The following ADAMTSL3 variants were observed in gnomAD, a reference collection of about 807,000 sequenced individuals.
ADAMTSL3 encodes ADAMTS-like protein 3.
In ADAMTSL3, 128 loss-of-function variants were observed where a neutral mutation model predicts 201.7. The ratio of observed to expected loss-of-function variants is 0.63; its 90% CI spans 0.55 to 0.73. The LOEUF is 0.73. Ranked by LOEUF, ADAMTSL3 falls within the 30% of genes least tolerant of loss-of-function variation. The probability of loss-of-function intolerance (pLI) is 0.00; values close to 1 mark genes in which losing one functional copy is unlikely to be tolerated. For synonymous variants in ADAMTSL3, 738 were observed against 748.4 expected, an observed-to-expected ratio of 0.99 and a Z score of 0.23; for missense variants, 1,990 against 2,119.6, an observed-to-expected ratio of 0.94 and a Z score of 1.20.
chr15:83,702,585 A>G (rs960204171), intron 2 of ADAMTSL3, among the ~76,000 whole-genome samples: 4 of 152,144 alleles, frequency 2.6e-5, no homozygotes, highest in African/African-American at 9.7e-5. Context: ...GCCAATGTAG[A>G]GCTCGGGCTG....
At chr15:83,713,402 A>G (rs1001617201) in intron 3 of ADAMTSL3, among the ~76,000 whole-genome samples, 2 of 152,162 alleles carry the variant, frequency 1.3e-5, no homozygotes, top group African/African-American at 4.8e-5. Context: ...AGGCATAGTG[A>G]AGGGAGTAGA....
At chr15:83,986,028 C>T (rs2067468735) in intron 21 of ADAMTSL3, among the ~76,000 whole-genome samples, 1 of 152,138 alleles carries the variant, frequency 6.6e-6, no homozygotes, top group South Asian at 2.1e-4. Flanking sequence ...TTCAATATCA[C>T]TGTCTTGGTT....
intron 23 of ADAMTSL3, among the ~76,000 whole-genome samples, chr15:84,002,667 C>A (rs561069681): frequency 1.0e-3 from 157 of 152,216 alleles, no homozygotes; most frequent in Non-Finnish European, 2.0e-3. Context: ...CCAGCCTTCC[C>A]CTTCTACCCT....
At chr15:83,680,043 G>A (rs1282283716) in intron 2 of ADAMTSL3, among the ~76,000 whole-genome samples, 3 of 152,202 alleles carry the variant, frequency 2.0e-5, no homozygotes, top group Non-Finnish European at 4.4e-5. Context: ...TGCAGGGCAG[G>A]AGTTGGGGAA....
chr15:84,016,616 A>T, intron 25 of ADAMTSL3, 117 bp downstream of exon 25: 1 of 846,584 alleles, frequency 1.2e-6, no homozygotes, highest in East Asian at 2.7e-5. Flanking sequence ...ATTTCTAGGC[A>T]TTTGGCCAGC....
Position 83,824,307 on chromosome 15 carries a change from T to C in ADAMTSL3, c.600+4260T>C, listed in dbSNP as rs114861638. On this transcript the variant is annotated intron_variant, in intron 6 of 29. Transcript: ENST00000286744. ...CTGGCATTACAGGCTTGAACCACCA[T>C]ACCTGGCCTGACTCCATTTTTTAGA... Among the ~76,000 whole-genome samples the C allele has an allele frequency of 7.1e-3, 1,085 of 152,202 alleles. 16 individuals are homozygous for C. The highest frequency in any genetic ancestry group is 0.025 in the African/African-American group (1,040 of 41,542).
chr15:83,820,200 T>A (rs1434267211), intron 6 of ADAMTSL3, among the ~76,000 whole-genome samples, 153 bp downstream of exon 6: 1 of 152,178 alleles, frequency 6.6e-6, no homozygotes, highest in Non-Finnish European at 1.5e-5. Context: ...CCCAGTTTTG[T>A]ATTTTTATAC....
At chr15:83,682,671 A>G (rs2061491126) in intron 2 of ADAMTSL3, among the ~76,000 whole-genome samples, 1 of 152,204 alleles carries the variant, frequency 6.6e-6, no homozygotes, top group Non-Finnish European at 1.5e-5. Context: ...TTATTGTACA[A>G]GGAAGCATGA....
At chr15:83,859,382 G>A (rs555304332) in intron 8 of ADAMTSL3, among the ~76,000 whole-genome samples, 21 of 152,188 alleles carry the variant, frequency 1.4e-4, no homozygotes, top group Non-Finnish European at 2.8e-4. Context: ...AGAAATGTAG[G>A]ACAAAGAAAG....
chr15:84,008,397 G>A (rs1410192235), intron 23 of ADAMTSL3, among the ~76,000 whole-genome samples: 4 of 152,112 alleles, frequency 2.6e-5, no homozygotes, highest in East Asian at 1.9e-4. Context: ...ACCAGGCCCC[G>A]TGGTGAGTTC....
chr15:83,937,719 T>G, intron 17 of ADAMTSL3, among the ~76,000 whole-genome samples: 1 of 151,102 alleles, frequency 6.6e-6, no homozygotes, highest in Non-Finnish European at 1.5e-5. Flanking sequence ...TGAACAGAAA[T>G]ACTAATTTAT....
chr15:83,908,447 T>G (rs1346705323), intron 15 of ADAMTSL3, among the ~76,000 whole-genome samples: 1 of 152,240 alleles, frequency 6.6e-6, no homozygotes, highest in Non-Finnish European at 1.5e-5. Context: ...TCAGACATCA[T>G]TACATTTAAT....
chr15:83,668,551 T>C (rs572077341), intron 2 of ADAMTSL3, among the ~76,000 whole-genome samples: 1 of 152,276 alleles, frequency 6.6e-6, no homozygotes, highest in South Asian at 2.1e-4. Flanking sequence ...GGTCATCAAA[T>C]ATGTAATGTT....
chr15:83,830,794 G>T (rs1381229580), intron 6 of ADAMTSL3, among the ~76,000 whole-genome samples: 1 of 152,170 alleles, frequency 6.6e-6, no homozygotes. Flanking sequence ...CCAGCTTCTG[G>T]TGCTGGAATT....
intron 17 of ADAMTSL3, among the ~76,000 whole-genome samples, chr15:83,931,180 G>C (rs1475880763): frequency 1.3e-5 from 2 of 152,204 alleles, no homozygotes; most frequent in African/African-American, 2.4e-5. Context: ...TCTGAGGAGA[G>C]CCTTCTTCTC....
intron 24 of ADAMTSL3, 93 bp from the exon 25 acceptor site, chr15:84,016,290 C>T (rs1020587790): frequency 6.5e-6 from 6 of 918,456 alleles, no homozygotes; most frequent in Non-Finnish European, 1.0e-5. Flanking sequence ...ATAGAGGACT[C>T]ATTTTCTAAT....
At chr15:83,828,083 T>A (rs1467029962) in intron 6 of ADAMTSL3, among the ~76,000 whole-genome samples, 1 of 152,194 alleles carries the variant, frequency 6.6e-6, no homozygotes, top group East Asian at 1.9e-4. Flanking sequence ...GGTGGCTTGA[T>A]GGGGATGGCA....
At chr15:83,907,757 A>G (rs1362434067) in intron 15 of ADAMTSL3, among the ~76,000 whole-genome samples, 1 of 151,936 alleles carries the variant, frequency 6.6e-6, no homozygotes, top group Admixed American at 6.6e-5. Context: ...TATAGGCTAT[A>G]TTTTCTTTAT....
chr15:83,942,829 A>T, intron 18 of ADAMTSL3, 41 bp downstream of exon 18: 2 of 1,607,576 alleles, frequency 1.2e-6, no homozygotes, highest in Non-Finnish European at 8.5e-7. Context: ...TGTGATTATG[A>T]CTGTGAGAGG....
Sources: gnomAD v4.1 joint callset for allele counts (sites outside exome capture counted in the v4.1 genomes callset) on GRCh38, gnomAD v4.1.1 for gene constraint, MANE v1.5 for transcripts, NCBI Gene and HGNC (gene_info 2026-07-23, HGNC 2026-07-21) for gene names.